The following PITPNC1 variants were observed in gnomAD, a reference collection of about 807,000 sequenced individuals.
PITPNC1 encodes phosphatidylinositol transfer protein cytoplasmic 1, also known as cytoplasmic phosphatidylinositol transfer protein 1.
In PITPNC1, 18 loss-of-function variants were observed where a neutral mutation model predicts 44.7. The ratio of observed to expected loss-of-function variants is 0.40; its 90% CI spans 0.28 to 0.60. The LOEUF is 0.60. PITPNC1 is among the 20% of genes least tolerant of loss of function. PITPNC1 has a pLI of 0.39. For synonymous variants in PITPNC1, 141 were observed against 149.6 expected (o/e 0.94, Z 0.42); for missense variants, 290 against 418.4 (o/e 0.69, Z 2.68).
chr17:67,661,530 A>T (rs1173361074), intron 6 of PITPNC1, among the ~76,000 whole-genome samples: 2 of 152,114 alleles, frequency 1.3e-5, no homozygotes, highest in African/African-American at 4.8e-5. Context: ...AGCTCAGGGA[A>T]CCCTGATCTT....
chr17:67,653,217 G>A (rs1251434025), intron 6 of PITPNC1, among the ~76,000 whole-genome samples: 1 of 152,158 alleles, frequency 6.6e-6, no homozygotes, highest in South Asian at 2.1e-4. Context: ...AGGAGGTGGA[G>A]GTTGGATGGC....
intron 1 of PITPNC1, among the ~76,000 whole-genome samples, chr17:67,462,168 T>A (rs897197316): frequency 6.6e-6 from 1 of 151,516 alleles, no homozygotes; most frequent in African/African-American, 2.4e-5. Flanking sequence ...TTGGGAGGAA[T>A]GAACTTGCCT....
intron 1 of PITPNC1, among the ~76,000 whole-genome samples, chr17:67,523,569 CTG>C (rs1359715929): frequency 2.0e-5 from 3 of 151,754 alleles, no homozygotes; most frequent in South Asian, 2.1e-4. Flanking sequence ...TGATAATAAA[CTG>C]TGGCTCAGAG....
chr17:67,594,863 G>T (rs1163681542), intron 5 of PITPNC1, among the ~76,000 whole-genome samples: 3 of 152,204 alleles, frequency 2.0e-5, no homozygotes, highest in African/African-American at 7.2e-5. Flanking sequence ...CCCACTCATA[G>T]GGTACTTGTG....
chr17:67,401,686 A>G (rs1231590906), intron 1 of PITPNC1, among the ~76,000 whole-genome samples: 1 of 152,006 alleles, frequency 6.6e-6, no homozygotes, highest in Non-Finnish European at 1.5e-5. Flanking sequence ...TCCACTAAAA[A>G]TACAAAAATT....
At chr17:67,378,659 C>T (rs2143769889) in intron 1 of PITPNC1, among the ~76,000 whole-genome samples, 1 of 152,240 alleles carries the variant, frequency 6.6e-6, no homozygotes, top group Admixed American at 6.5e-5. Context: ...TCTGCACGCC[C>T]CGAGCCCCGC....
intron 5 of PITPNC1, among the ~76,000 whole-genome samples, chr17:67,615,847 T>A (rs1249532910): frequency 1.3e-5 from 2 of 152,172 alleles, no homozygotes; most frequent in African/African-American, 4.8e-5. Flanking sequence ...CCGTTCTGCG[T>A]CGCTGGTGCC....
chr17:67,463,042 A>C (rs568416816), intron 1 of PITPNC1, among the ~76,000 whole-genome samples: 3 of 152,368 alleles, frequency 2.0e-5, no homozygotes, highest in Admixed American at 2.0e-4. Context: ...ATTTAGCTTG[A>C]GCTCAACTAA....
intron 1 of PITPNC1, among the ~76,000 whole-genome samples, chr17:67,503,870 A>T (rs1309781348): frequency 6.6e-6 from 1 of 152,198 alleles, no homozygotes; most frequent in African/African-American, 2.4e-5. Flanking sequence ...TCAGTTAATG[A>T]AAACACAGGG....
chr17:67,643,923 A>G (rs557934283), intron 6 of PITPNC1, among the ~76,000 whole-genome samples: 1 of 152,270 alleles, frequency 6.6e-6, no homozygotes, highest in Non-Finnish European at 1.5e-5. Context: ...GTGGCGTCAC[A>G]GGAGTTTGTT....
chr17:67,413,186 G>A (rs1217232293), intron 1 of PITPNC1, among the ~76,000 whole-genome samples: 1 of 152,140 alleles, frequency 6.6e-6, no homozygotes, highest in African/African-American at 2.4e-5. Flanking sequence ...AGAATGACTT[G>A]GAGTGGTAGA....
chr17:67,540,776 TTAAAAA>T (rs1279614929), intron 2 of PITPNC1, among the ~76,000 whole-genome samples: 1 of 152,204 alleles, frequency 6.6e-6, no homozygotes, highest in African/African-American at 2.4e-5. Flanking sequence ...TATGTGTAAC[TTAAAAA>T]TAATGTGATT....
chr17:67,596,358 T>C (rs2041459745), intron 5 of PITPNC1, among the ~76,000 whole-genome samples: 1 of 152,078 alleles, frequency 6.6e-6, no homozygotes, highest in African/African-American at 2.4e-5. Context: ...TGGGGGCTTT[T>C]GGTAACAGTT....
chr17:67,527,657 C>T (rs762202590), intron 1 of PITPNC1, among the ~76,000 whole-genome samples: 6 of 151,792 alleles, frequency 4.0e-5, no homozygotes, highest in South Asian at 2.1e-4. Context: ...GCTGATATCT[C>T]GCCACTGCAC....
At chr17:67,635,032 G>A (rs1430638384) in intron 6 of PITPNC1, among the ~76,000 whole-genome samples, 5 of 152,166 alleles carry the variant, frequency 3.3e-5, no homozygotes, top group South Asian at 2.1e-4. Context: ...ACAGTGAGCC[G>A]AGATGGCACC....
At chr17:67,668,471 C>A (rs2042457617) in intron 6 of PITPNC1, among the ~76,000 whole-genome samples, 2 of 152,090 alleles carry the variant, frequency 1.3e-5, no homozygotes, top group Non-Finnish European at 2.9e-5. Context: ...ACCTGTAATC[C>A]CAGTACTTTG....
intron 2 of PITPNC1, among the ~76,000 whole-genome samples, chr17:67,541,861 G>T (rs2040612842): frequency 6.6e-6 from 1 of 152,198 alleles, no homozygotes; most frequent in Admixed American, 6.5e-5. Context: ...GGAATGCCAG[G>T]AGAAAGACTT....
chr17:67,469,536 C>T (rs2039482719), intron 1 of PITPNC1, among the ~76,000 whole-genome samples: 1 of 152,172 alleles, frequency 6.6e-6, no homozygotes, highest in Non-Finnish European at 1.5e-5. Flanking sequence ...GCGTCCTGAG[C>T]CTGGCTGGAT....
intron 6 of PITPNC1, among the ~76,000 whole-genome samples, chr17:67,663,618 T>C (rs574206757): frequency 1.3e-5 from 2 of 151,858 alleles, no homozygotes; most frequent in South Asian, 2.1e-4. Context: ...GCAGAGGTGC[T>C]GCTCCTTGCA....
Sources: gnomAD v4.1 joint callset for allele counts (sites outside exome capture counted in the v4.1 genomes callset) on GRCh38, gnomAD v4.1.1 for gene constraint, MANE v1.5 for transcripts, NCBI Gene and HGNC (gene_info 2026-07-23, HGNC 2026-07-21) for gene names.